RABGGTA: variants seen among roughly 807,000 people sequenced by gnomAD.
The protein encoded by RABGGTA is Rab geranylgeranyltransferase subunit alpha.
RABGGTA carries 69 observed loss-of-function variants against 83.3 expected under a neutral mutation model. The observed-to-expected ratio is 0.83, with a 90% confidence interval of 0.68 to 1.01. The LOEUF (loss-of-function observed/expected upper bound fraction) is 1.01, where lower values mean the gene tolerates loss of function less well. RABGGTA is among the 50% of genes least tolerant of loss of function. The pLI is 0.00. For missense variants in RABGGTA, 681 were observed against 712.7 expected, an observed-to-expected ratio of 0.96 and a Z score of 0.51; for synonymous variants, 310 against 299.8, an observed-to-expected ratio of 1.03 and a Z score of -0.35.
rs565254367 is a variant in RABGGTA, at chr14:24,271,388, G to A, written c.-55+99C>T. The A allele has an allele frequency of 5.0e-4, 183 of 366,536 alleles. 2 individuals are homozygous for A. The highest frequency in any genetic ancestry group is 3.2e-3 in the African/African-American group (156 of 48,070). The allele number at this position is 366,536 out of a possible 1,614,324, so 22.7% of individuals were successfully genotyped here. The stretch of plus-strand genomic sequence containing the variant: ...TCGCCCGGGCCAGAGCGCGAGCCGG[G>A]GCACCTGGGCGTTGGGGACCACTCT... On this transcript the variant is annotated intron_variant, in intron 1 of 16. Coordinates refer to ENST00000216840, the MANE Select transcript of RABGGTA (RefSeq NM_182836.3).
In RABGGTA at chr14:24,267,929, G is replaced by C; in HGVS notation, c.1177C>G (p.Arg393Gly). Residue 393 changes from arginine to glycine, a missense_variant, in exon 13 of 17, where the codon CGG (arginine) becomes GGG (glycine). Transcript: ENST00000216840. ...WCLLTIILLM[R>G]ALDPLLYEKE... ...TCATACAGCAGGGGGTCCAGTGCCC[G>C]CATCAGCAGGATGATGGTAAGCAGG... 3.7e-6 allele frequency: 6 copies of C among 1,613,766 alleles called. No homozygotes were observed. The highest frequency in any genetic ancestry group is 1.3e-5 in the African/African-American group (1 of 75,014).
chr14:24,269,930 G>A (rs1175464248), intron 5 of RABGGTA, 23 bp downstream of exon 5: 2 of 1,610,140 alleles, frequency 1.2e-6, no homozygotes, highest in Non-Finnish European at 1.7e-6. Flanking sequence ...AGGGCTGTGG[G>A]GACAGAATCT....
chr14:24,269,464 C>T (rs764862205), intron 6 of RABGGTA, 27 bp downstream of exon 6: 3 of 1,537,876 alleles, frequency 2.0e-6, no homozygotes, highest in African/African-American at 1.4e-5. Flanking sequence ...CTGCAGAGTC[C>T]TCCTGAGCAT....
In RABGGTA at chr14:24,268,209, G is replaced by C; in HGVS notation, c.1059-11C>G. 6.3e-7 allele frequency: 1 copy of C among 1,595,322 alleles called. No individual in the cohort carries two copies. ...ACTGACAGCTCACACCTGAGGGTGGGCAGGGTGGGGAGGAGTTGAGGCCCA... is the reference window on the plus strand; with the variant it reads ...ACTGACAGCTCACACCTGAGGGTGGCCAGGGTGGGGAGGAGTTGAGGCCCA... On this transcript the variant is annotated splice_polypyrimidine_tract_variant and intron_variant, in intron 11 of 16. Transcript: ENST00000216840.
chr14:24,270,164 G>T (rs757989938), intron 4 of RABGGTA, 24 bp from the exon 5 acceptor site: 9 of 1,591,294 alleles, frequency 5.7e-6, no homozygotes, highest in Admixed American at 3.6e-5. Flanking sequence ...GGAAGGGGGG[G>T]GTCAGGGCTC....
intron 14 of RABGGTA, 43 bp from the exon 15 acceptor site, chr14:24,266,932 G>C: frequency 3.5e-6 from 5 of 1,437,870 alleles, no homozygotes; most frequent in Non-Finnish European, 4.9e-6. Flanking sequence ...CTTCCCAGGA[G>C]ACCTGGGAGA....
In RABGGTA at chr14:24,266,844, G is replaced by A; in HGVS notation, c.1399C>T (p.His467Tyr). ...CHLEQLLLVT[H>Y]LDLSHNRLRT... The stretch of plus-strand genomic sequence containing the variant: ...AGGCGATTGTGTGACAAGTCAAGAT[G>A]GGTGACCAAGAGCAGCTGTTCCAGA... Residue 467 changes from histidine to tyrosine, a missense_variant, in exon 15 of 17, where the codon CAT becomes TAT. His to Tyr is a moderately conservative substitution (Grantham distance 83, BLOSUM62 2). Coordinates refer to ENST00000216840, the MANE Select transcript of RABGGTA (RefSeq NM_182836.3). 1.9e-6 allele frequency: 3 copies of A among 1,613,924 alleles called. No homozygotes were observed. Among genetic ancestry groups the A allele is most frequent in the Non-Finnish European group, 2.5e-6 (3 of 1,179,836 alleles).
rs1191024998 is a variant in RABGGTA at position 24,268,722 on chromosome 14, T to C, written c.900+3A>G. ...AACTTCTGCCCCACCAATCCTGGGA[T>C]ACCCAGACATGGCTGGGCCGGTTCC... On this transcript the variant is annotated splice_donor_region_variant and intron_variant, in intron 9 of 16. Coordinates refer to ENST00000216840, the MANE Select transcript of RABGGTA (RefSeq NM_182836.3). The C allele has an allele frequency of 2.5e-6, 4 of 1,599,688 alleles. No individual in the cohort carries two copies. Among genetic ancestry groups the C allele is most frequent in the Non-Finnish European group, 3.4e-6 (4 of 1,172,898 alleles).
chr14:24,270,017 A>G lies in RABGGTA; in HGVS notation c.363T>C (p.Pro121=), dbSNP rs1380918318. The change falls in exon 5 of 17, where the codon CCT becomes CCC. Residue 121 remains proline (P), a synonymous_variant. Coordinates refer to ENST00000216840, the MANE Select transcript of RABGGTA (RefSeq NM_182836.3). ...CCAGCTCTCGGGTCCAGTTGGGCTC[A>G]GGCAGGCGGCCTAGCAGCCAGCATC... The part of the protein sequence containing the change: ...HHRCWLLGRL[P]EPNWTRELEL... 8 of 1,613,434 alleles carry G rather than the reference A, an allele frequency of 5.0e-6. No individual in the cohort carries two copies. The highest frequency in any genetic ancestry group is 6.8e-6 in the Non-Finnish European group (8 of 1,179,656).
intron 5 of RABGGTA, 119 bp from the exon 6 acceptor site, chr14:24,269,813 C>A: frequency 1.4e-6 from 2 of 1,415,926 alleles, no homozygotes. Context: ...ACGGAGGATG[C>A]ATTTGGCTCC....
At chr14:24,270,801 G>T in intron 3 of RABGGTA, 36 bp downstream of exon 3, 1 of 1,600,792 alleles carries the variant, frequency 6.2e-7, no homozygotes, top group Non-Finnish European at 8.5e-7. Context: ...TACTAAGGGA[G>T]CTACTTGGGG....
chr14:24,270,559 T>C (rs956502412), intron 3 of RABGGTA, 101 bp from the exon 4 acceptor site: 4 of 1,440,290 alleles, frequency 2.8e-6, no homozygotes, highest in South Asian at 2.4e-5. Flanking sequence ...AATCCCACAT[T>C]ATACAACAGG....
rs2040907900 is a variant in RABGGTA, at chr14:24,268,904, G to A, written c.798+7C>T. Reference sequence around the variant, plus strand: ...ACAGTGCTCTTGACAAAAGCTGCAGGACTCACTAAGAGGGGCCGAGAGAAG... The same window carrying A: ...ACAGTGCTCTTGACAAAAGCTGCAGAACTCACTAAGAGGGGCCGAGAGAAG... On this transcript the variant is annotated splice_region_variant and intron_variant, in intron 8 of 16. Coordinates refer to ENST00000216840, the MANE Select transcript of RABGGTA (RefSeq NM_182836.3). 2 of 1,582,578 alleles carry A rather than the reference G, an allele frequency of 1.3e-6. No homozygotes were observed. Among genetic ancestry groups the A allele is most frequent in the African/African-American group, 1.3e-5 (1 of 74,180 alleles).
At chr14:24,269,230 C>G in intron 6 of RABGGTA, 67 bp from the exon 7 acceptor site, 1 of 1,407,106 alleles carries the variant, frequency 7.1e-7, no homozygotes, top group Non-Finnish European at 9.8e-7. Context: ...ACTCCAACAC[C>G]CTACCCTCTC....
At position 24,266,941 on chromosome 14, in the gene RABGGTA, G is replaced by A. The variant is rs576282232; in HGVS notation, c.1354-52C>T. 1.2e-5 allele frequency: 17 copies of A among 1,372,300 alleles called. No individual in the cohort carries two copies. In the East Asian group the frequency reaches 3.4e-4, roughly 28 times the overall value. 85.0% of individuals were successfully genotyped at this position (1,372,300 alleles called of 1,614,324 possible). A position where few individuals can be genotyped will look rare whatever the true frequency, so the allele number is the denominator to read the frequency against. ...GATGGGCTTCCCAGGAGACCTGGGA[G>A]AGGGTCCTCGGCCAGCATTTATTAG... On this transcript the variant is annotated intron_variant, in intron 14 of 16. Transcript: ENST00000216840.
At chr14:24,269,733 C>A (rs972486919) in intron 5 of RABGGTA, 39 bp from the exon 6 acceptor site, 1 of 1,598,624 alleles carries the variant, frequency 6.3e-7, no homozygotes, top group Non-Finnish European at 8.6e-7. Flanking sequence ...AGAGGCAGGG[C>A]AAGAGGAGCT....
chr14:24,271,143 G>A lies in RABGGTA; in HGVS notation c.-28C>T, dbSNP rs2040944647. The A allele has an allele frequency of 2.0e-6, 3 of 1,532,724 alleles. No individual in the cohort carries two copies. Among genetic ancestry groups the A allele is most frequent in the Admixed American group, 2.1e-5 (1 of 47,026 alleles). The allele number at this position is 1,532,724 out of a possible 1,614,324, so 94.9% of individuals were successfully genotyped here. A position where few individuals can be genotyped will look rare whatever the true frequency, so the allele number is the denominator to read the frequency against. On this transcript the variant is annotated 5_prime_UTR_variant, in exon 2 of 17. Coordinates refer to ENST00000216840, the MANE Select transcript of RABGGTA (RefSeq NM_182836.3). ...TGCCGGCTCAGGGTTCAAGACAGGG[G>A]AAGGGTCCAGTGGTAGCCCTTGAAG...
intron 2 of RABGGTA, 59 bp downstream of exon 2, chr14:24,271,054 G>C: frequency 6.3e-7 from 1 of 1,579,732 alleles, no homozygotes; most frequent in Non-Finnish European, 8.6e-7. Context: ...CCATGGCACT[G>C]CCACTGGGGG....
At position 24,267,892 on chromosome 14, in the gene RABGGTA, A is replaced by C; in HGVS notation, c.1214T>G (p.Leu405Arg). 6.2e-7 allele frequency: 1 copy of C among 1,613,730 alleles called. No individual in the cohort carries two copies. Among genetic ancestry groups the C allele is most frequent in the Non-Finnish European group, 8.5e-7 (1 of 1,179,834 alleles). Residue 405 changes from leucine to arginine, a missense_variant, in exon 13 of 17, where the codon CTG (leucine) becomes CGG (arginine). This residue lies in a region of RABGGTA where 421 missense variants were observed against 418.5 expected (regional missense o/e 1.01). Coordinates refer to ENST00000216840, the MANE Select transcript of RABGGTA (RefSeq NM_182836.3). ...LDPLLYEKET[L>R]QYFQTLKAVD... is the part of the protein sequence containing the mutation. ...TGCCTTGAGGGTCTGGAAGTACTGC[A>C]GGGTCTCCTTCTCATACAGCAGGGG...
Sources: gnomAD v4.1 joint callset for allele counts on GRCh38, gnomAD v4.1.1 for gene constraint, gnomAD v4.1.1 regional missense constraint, MANE v1.5 for transcripts, NCBI Gene and HGNC (gene_info 2026-07-23, HGNC 2026-07-21) for gene names.